OR2L13: variants seen among roughly 807,000 people sequenced by gnomAD.
The protein encoded by OR2L13 is olfactory receptor 2L13.
Under a neutral mutation model 15.3 loss-of-function variants are expected in OR2L13, and 14 were observed. The ratio of observed to expected loss-of-function variants is 0.91; its 90% CI spans 0.60 to 1.43. OR2L13 has a LOEUF of 1.43. Ranked by LOEUF, OR2L13 falls within the 40% of genes most tolerant of loss-of-function variation. OR2L13 has a pLI of 0.00. For synonymous variants in OR2L13, 152 were observed against 142.9 expected (o/e 1.06, Z -0.45); for missense variants, 367 against 387.9 (o/e 0.95, Z 0.45).
At chr1:247,952,539 A>G in the OR2L13 span, among the ~76,000 whole-genome samples, 1 of 152,172 alleles carries the variant, frequency 6.6e-6, no homozygotes, top group Admixed American at 6.5e-5. Flanking sequence ...GCCACCATCT[A>G]TGAACCAGAA....
chr1:248,083,805 C>A, the OR2L13 span: 2 of 1,613,764 alleles, frequency 1.2e-6, no homozygotes, highest in Non-Finnish European at 1.7e-6. Flanking sequence ...GTTAGTGGAC[C>A]TGTGGGATTT....
the OR2L13 span, among the ~76,000 whole-genome samples, chr1:248,037,778 C>T: frequency 2.0e-5 from 3 of 152,096 alleles, no homozygotes; most frequent in South Asian, 2.1e-4. Context: ...TAATCAAATG[C>T]GGTCTGAAAA....
chr1:248,027,863 C>T, the OR2L13 span, among the ~76,000 whole-genome samples: 1 of 152,012 alleles, frequency 6.6e-6, no homozygotes, highest in Non-Finnish European at 1.5e-5. Context: ...TGCAGACTCC[C>T]TAAAAACATG....
At chr1:248,067,834 G>C in the OR2L13 span, among the ~76,000 whole-genome samples, 2 of 152,230 alleles carry the variant, frequency 1.3e-5, no homozygotes, top group African/African-American at 4.8e-5. Context: ...CGGCGCGCCA[G>C]GAGGTTATAT....
chr1:248,003,735 C>T, the OR2L13 span: 1 of 1,613,782 alleles, frequency 6.2e-7, no homozygotes, highest in Non-Finnish European at 8.5e-7. Context: ...CTTTTGAGTG[C>T]CACCATCTTT....
At chr1:248,018,239 G>GT in the OR2L13 span, among the ~76,000 whole-genome samples, 1 of 151,850 alleles carries the variant, frequency 6.6e-6, no homozygotes, top group Non-Finnish European at 1.5e-5. Context: ...GAGATCTGAT[G>GT]TGCCGTCTAT....
the OR2L13 span, among the ~76,000 whole-genome samples, chr1:247,993,807 G>GAGAGAGAA: frequency 2.9e-3 from 379 of 128,984 alleles, 6 homozygotes; most frequent in African/African-American, 4.3e-3. Context: ...GAGAGAGAGA[G>GAGAGAGAA]AGAGAAAGAA....
At chr1:248,003,605 A>G in the OR2L13 span, 5 of 1,611,626 alleles carry the variant, frequency 3.1e-6, no homozygotes, top group Middle Eastern at 1.7e-4. Flanking sequence ...TTGTGCTCAC[A>G]CTGTATATAT....
At chr1:248,050,632 G>A in the OR2L13 span, among the ~76,000 whole-genome samples, 1,977 of 152,166 alleles carry the variant, frequency 0.013, 27 homozygotes, top group Middle Eastern at 0.037. Flanking sequence ...TTAAAATTAG[G>A]ATAATGTTAA....
chr1:248,083,243 G>A, the OR2L13 span, among the ~76,000 whole-genome samples: 4 of 152,044 alleles, frequency 2.6e-5, no homozygotes, highest in Non-Finnish European at 5.9e-5. Context: ...CTCAAAATAC[G>A]TTATTGAACA....
the OR2L13 span, chr1:248,022,438 G>T: frequency 6.2e-7 from 1 of 1,614,104 alleles, no homozygotes. Context: ...TATGCATTCC[G>T]TATCCCATAT....
the OR2L13 span, among the ~76,000 whole-genome samples, chr1:248,050,015 T>G: frequency 6.6e-6 from 1 of 152,174 alleles, no homozygotes; most frequent in South Asian, 2.1e-4. Flanking sequence ...GCGATACCTA[T>G]CTGAAGAGTT....
chr1:247,974,269 G>GT, the OR2L13 span, among the ~76,000 whole-genome samples: 1 of 152,084 alleles, frequency 6.6e-6, no homozygotes, highest in Admixed American at 6.6e-5. Context: ...CAGAACCTTT[G>GT]TGGGGGGGCC....
chr1:248,005,815 A>G, the OR2L13 span, among the ~76,000 whole-genome samples: 2 of 152,110 alleles, frequency 1.3e-5, no homozygotes, highest in Non-Finnish European at 2.9e-5. Context: ...TGTCATTTCT[A>G]TTTCTAAGCC....
At chr1:248,076,274 G>A in the OR2L13 span, among the ~76,000 whole-genome samples, 1 of 152,182 alleles carries the variant, frequency 6.6e-6, no homozygotes, top group Admixed American at 6.5e-5. Context: ...TTGAAGTCAG[G>A]TAGCGTGATG....
At chr1:247,955,937 CTTTAG>C in the OR2L13 span, among the ~76,000 whole-genome samples, 2 of 150,244 alleles carry the variant, frequency 1.3e-5, no homozygotes, top group African/African-American at 2.4e-5. Context: ...TGCAGAAGCT[CTTTAG>C]TTTAATTAGA....
At chr1:248,084,039 G>A in the OR2L13 span, 2 of 1,611,526 alleles carry the variant, frequency 1.2e-6, no homozygotes, top group Non-Finnish European at 8.5e-7. Flanking sequence ...GTCAGCACAA[G>A]CCAAACGCAC....
the OR2L13 span, among the ~76,000 whole-genome samples, chr1:248,015,240 T>C: frequency 6.6e-5 from 10 of 152,334 alleles, no homozygotes; most frequent in East Asian, 1.9e-3. Context: ...CTACGTCAGT[T>C]AAACACAACA....
chr1:248,045,086 T>C, the OR2L13 span, among the ~76,000 whole-genome samples: 2 of 152,192 alleles, frequency 1.3e-5, no homozygotes, highest in Non-Finnish European at 2.9e-5. Context: ...TTGACATAAA[T>C]GGTTATCATC....
Sources: allele counts gnomAD v4.1 joint callset (sites outside exome capture counted in the v4.1 genomes callset), GRCh38; gene constraint gnomAD v4.1.1; transcripts MANE v1.5; gene names NCBI Gene and HGNC (gene_info 2026-07-23, HGNC 2026-07-21).